Variants in PSMB9 observed in about 807,000 individuals in gnomAD.
PSMB9 encodes proteasome subunit beta type-9.
A neutral mutation model predicts 26.9 loss-of-function variants in PSMB9; 16 were observed. The ratio of observed to expected loss-of-function variants is 0.59; its 90% confidence interval spans 0.40 to 0.90. PSMB9 has a LOEUF of 0.90. PSMB9 is among the 40% of genes least tolerant of loss of function. The probability of loss-of-function intolerance (pLI) is 0.00; values close to 1 mark genes in which losing one functional copy is unlikely to be tolerated. For missense variants in PSMB9, 253 were observed against 292.2 expected (o/e 0.87, Z 0.98); for synonymous variants, 91 against 112.0 (o/e 0.81, Z 1.18).
In PSMB9 at chr6:32,858,516, A is replaced by G. The variant is rs1271431006; in HGVS notation, c.532+11A>G. On this transcript the variant is annotated intron_variant, in intron 5 of 5. Coordinates refer to ENST00000374859, the MANE Select transcript of PSMB9 (RefSeq NM_002800.5). The surrounding 1 kb of genome is among the most constrained non-coding windows in gnomAD (Gnocchi z 5.2). ...GCTTCACCACAGACGGTAACCAGCC[A>G]AGTGGAAGGGTACCTGGGGAGGGCT... 1 of 1,612,826 alleles carries G rather than the reference A, an allele frequency of 6.2e-7. No individual in the cohort carries two copies. Among genetic ancestry groups the G allele is most frequent in the Non-Finnish European group, 8.5e-7 (1 of 1,180,016 alleles).
intron 2 of PSMB9, chr6:32,857,033 C>T (rs1453606466): frequency 5.5e-6 from 2 of 363,414 alleles, no homozygotes; most frequent in Middle Eastern, 7.4e-4. Flanking sequence ...GACCTTGTCT[C>T]TACTGAAAAT....
Position 32,854,358 on chromosome 6 carries a change from C to T in PSMB9, c.60+69C>T. The stretch of plus-strand genomic sequence containing the variant: ...TGCAGCGGCCAGGGGACCCTGGAAG[C>T]GCGCGCGGAGAAGTGAATGCAGAGA... On this transcript the variant is annotated intron_variant, in intron 1 of 5. Coordinates refer to ENST00000374859, the MANE Select transcript of PSMB9 (RefSeq NM_002800.5). This position sits in a 1 kb window ranked among gnomAD's most constrained non-coding sequence, Gnocchi z 4.6. The T allele has an allele frequency of 7.2e-7, 1 of 1,392,374 alleles. No individual in the cohort carries two copies. The highest frequency in any genetic ancestry group is 9.4e-7 in the Non-Finnish European group (1 of 1,059,574). 86.3% of individuals were successfully genotyped at this position (1,392,374 alleles called of 1,614,324 possible). A position where few individuals can be genotyped will look rare whatever the true frequency, so the allele number is the denominator to read the frequency against.
intron 2 of PSMB9, 118 bp downstream of exon 2, chr6:32,856,323 C>T (rs1771158578): frequency 2.9e-6 from 3 of 1,043,130 alleles, no homozygotes; most frequent in East Asian, 4.9e-5. Flanking sequence ...TGGAGTTGAC[C>T]TTCCCCAAAA....
chr6:32,857,147 C>A (rs1316621919), intron 2 of PSMB9, 116 bp from the exon 3 acceptor site: 2 of 1,238,370 alleles, frequency 1.6e-6, no homozygotes, highest in South Asian at 1.7e-5. Flanking sequence ...TTGCAGTGAG[C>A]CCAAGATTGA....
In PSMB9 at chr6:32,857,708, C is replaced by G. The variant is rs117750251; in HGVS notation, c.261-297C>G. The G allele has an allele frequency of 4.0e-3, 2,137 of 534,566 alleles. 89 individuals carry two copies. The East Asian group carries it at 0.055, about 14-fold the overall frequency. The allele number at this position is 534,566 out of a possible 1,614,324, so 33.1% of individuals were successfully genotyped here. On this transcript the variant is annotated intron_variant, in intron 3 of 5. Transcript: ENST00000374859. ...ACCATAATATCAGGCAGTTACCATA[C>G]GAGAAATCAAGGTCGTTGGGACGGA... is the stretch of plus-strand genomic sequence containing the variant.
chr6:32,859,596 T>C lies in PSMB9; in HGVS notation c.*64T>C. The C allele has an allele frequency of 6.4e-7, 1 of 1,564,898 alleles. No homozygotes were observed. The highest frequency in any genetic ancestry group is 8.7e-7 in the Non-Finnish European group (1 of 1,147,468). ...TCTCTAGGGCCAAAACCTGGTATGG[T>C]CATTGGGAAATGAGTGCTCAGGGAG... On this transcript the variant is annotated 3_prime_UTR_variant, in exon 6 of 6. Transcript: ENST00000374859.
At chr6:32,859,153 G>T (rs1771322198) in intron 5 of PSMB9, among the ~76,000 whole-genome samples, 1 of 152,090 alleles carries the variant, frequency 6.6e-6, no homozygotes, top group East Asian at 1.9e-4. Flanking sequence ...AAGGATTTGT[G>T]AACTGCTTAG....
chr6:32,856,897 C>T (rs945655832), intron 2 of PSMB9: 15 of 165,822 alleles, frequency 9.0e-5, no homozygotes, highest in Non-Finnish European at 1.8e-4. Flanking sequence ...TGAATGATCA[C>T]CCTCAAAAAT....
intron 2 of PSMB9, 62 bp from the exon 3 acceptor site, chr6:32,857,198 CAAA>C (rs9282318): frequency 0.077 from 78,247 of 1,022,688 alleles, 21 homozygotes; most frequent in Middle Eastern, 0.088. Flanking sequence ...GAGACTGTCT[CAAA>C]AAAAAAAAAA....
Position 32,859,618 on chromosome 6 carries a change from G to C in PSMB9, c.*86G>C, listed in dbSNP as rs960413425. On this transcript the variant is annotated 3_prime_UTR_variant, in exon 6 of 6. Transcript: ENST00000374859. ...TGGTCATTGGGAAATGAGTGCTCAG[G>C]GAGATGGAGCTTAGGGGAGGTGGGT... The C allele has an allele frequency of 1.3e-5, 19 of 1,500,494 alleles. No individual in the cohort carries two copies. Among genetic ancestry groups the C allele is most frequent in the Admixed American group, 1.9e-5 (1 of 53,838 alleles). 92.9% of individuals were successfully genotyped at this position (1,500,494 alleles called of 1,614,324 possible).
intron 3 of PSMB9, chr6:32,857,773 T>C: frequency 1.7e-6 from 1 of 584,832 alleles, no homozygotes; most frequent in Non-Finnish European, 3.0e-6. Context: ...GCAGGGTCCT[T>C]GCAGCCAAAA....
At chr6:32,856,291 G>C in intron 2 of PSMB9, 86 bp downstream of exon 2, 1 of 1,341,440 alleles carries the variant, frequency 7.5e-7, no homozygotes, top group Non-Finnish European at 1.1e-6. Flanking sequence ...GAAAAGACTG[G>C]CAAACTGGAG....
Position 32,857,279 on chromosome 6 carries a change from C to T in PSMB9, c.145C>T (p.Arg49Ter), listed in dbSNP as rs138104453. ...RVSAGEAVVN[R>*]VFDKLSPLHE... ...TCCTGACAGCGAGGCGGTGGTGAAC[C>T]GAGTGTTTGACAAGCTGTCCCCGCT... Residue 49 changes from arginine to a stop codon, truncating the protein, a stop_gained, in exon 3 of 6, where the codon CGA (arginine) becomes TGA (stop). Coordinates refer to ENST00000374859, the MANE Select transcript of PSMB9 (RefSeq NM_002800.5). LOFTEE classifies it high-confidence loss of function. 3.7e-6 allele frequency: 6 copies of T among 1,607,142 alleles called. No individual in the cohort carries two copies. Among genetic ancestry groups the T allele is most frequent in the South Asian group, 1.1e-5 (1 of 90,568 alleles).
intron 3 of PSMB9, chr6:32,857,608 T>C (rs1213076472): frequency 1.8e-6 from 1 of 556,524 alleles, no homozygotes; most frequent in East Asian, 3.0e-5. Context: ...CCACATTCTA[T>C]ATGTGAACAC....
chr6:32,857,761 G>A, intron 3 of PSMB9: 5 of 575,610 alleles, frequency 8.7e-6, no homozygotes, highest in South Asian at 2.4e-5. Context: ...TTCCCCATAA[G>A]AGCAGGGTCC....
At chr6:32,856,440 G>A in intron 2 of PSMB9, 1 of 486,992 alleles carries the variant, frequency 2.1e-6, no homozygotes, top group Non-Finnish European at 3.7e-6. Flanking sequence ...ACAGGGATGA[G>A]TAAAGGAATA....
intron 3 of PSMB9, chr6:32,857,611 G>A (rs1403833935): frequency 3.6e-6 from 2 of 550,204 alleles, no homozygotes; most frequent in South Asian, 3.0e-5. Context: ...CATTCTATAT[G>A]TGAACACAGT....
chr6:32,858,640 A>G lies in PSMB9; in HGVS notation c.532+135A>G. The stretch of plus-strand genomic sequence containing the variant: ...GGGCCTGGTACACTTTTAAGAGTGA[A>G]AAGGGGCAGGACAAATGCAAAGCTC... On this transcript the variant is annotated intron_variant, in intron 5 of 5. Coordinates refer to ENST00000374859, the MANE Select transcript of PSMB9 (RefSeq NM_002800.5). The surrounding 1 kb of genome is among the most constrained non-coding windows in gnomAD (Gnocchi z 5.2). The G allele has an allele frequency of 8.4e-7, 1 of 1,197,304 alleles. No individual in the cohort carries two copies. The highest frequency in any genetic ancestry group is 1.2e-6 in the Non-Finnish European group (1 of 834,932). The allele number at this position is 1,197,304 out of a possible 1,614,324, so 74.2% of individuals were successfully genotyped here. A position where few individuals can be genotyped will look rare whatever the true frequency, so the allele number is the denominator to read the frequency against.
chr6:32,856,098 C>G (rs185617358), intron 1 of PSMB9, 40 bp from the exon 2 acceptor site: 80 of 1,562,844 alleles, frequency 5.1e-5, no homozygotes, highest in African/African-American at 4.9e-4. Flanking sequence ...GGCATCAAGG[C>G]TGTTCTTGCC....
Sources: allele counts gnomAD v4.1 joint callset (sites outside exome capture counted in the v4.1 genomes callset), GRCh38; gene constraint gnomAD v4.1.1; non-coding constraint Gnocchi (gnomAD v3.1); transcripts MANE v1.5; gene names NCBI Gene and HGNC (gene_info 2026-07-23, HGNC 2026-07-21).